VPS41: variants seen among roughly 807,000 people sequenced by gnomAD.
VPS41 encodes vacuolar protein sorting-associated protein 41 homolog.
A neutral mutation model predicts 130.9 loss-of-function variants in VPS41; 85 were observed. The ratio of observed to expected loss-of-function variants is 0.65; its 90% CI spans 0.55 to 0.78. VPS41 has a LOEUF of 0.78. VPS41 is among the 30% of genes least tolerant of loss of function. VPS41 has a pLI of 0.00. For missense variants in VPS41, 874 were observed against 1,018.7 expected, an observed-to-expected ratio of 0.86 and a Z score of 1.93; for synonymous variants, 335 against 332.9, an observed-to-expected ratio of 1.01 and a Z score of -0.07.
chr7:38,763,585 A>G, intron 16 of VPS41, 38 bp from the exon 17 acceptor site: 1 of 1,388,788 alleles, frequency 7.2e-7, no homozygotes, highest in Non-Finnish European at 9.9e-7. Flanking sequence ...CCATTAAAAT[A>G]TGAAAAAACA....
chr7:38,771,371 G>T, intron 13 of VPS41, 117 bp from the exon 14 acceptor site: 1 of 729,216 alleles, frequency 1.4e-6, no homozygotes, highest in Non-Finnish European at 2.3e-6. Flanking sequence ...AGTTATTATG[G>T]TTTAGCATTC....
chr7:38,903,420 G>A (rs1787186088), intron 1 of VPS41, among the ~76,000 whole-genome samples: 1 of 152,310 alleles, frequency 6.6e-6, no homozygotes, highest in South Asian at 2.1e-4. Context: ...TACTGTTGGG[G>A]AAGAAAAACA....
At chr7:38,766,348 C>A (rs1315192743) in intron 15 of VPS41, among the ~76,000 whole-genome samples, 1 of 152,124 alleles carries the variant, frequency 6.6e-6, no homozygotes, top group Non-Finnish European at 1.5e-5. Context: ...ACCCAGGATC[C>A]TGGGGTCTAG....
chr7:38,897,739 A>G (rs1787039268), intron 2 of VPS41, among the ~76,000 whole-genome samples: 1 of 152,230 alleles, frequency 6.6e-6, no homozygotes, highest in South Asian at 2.1e-4. Flanking sequence ...CAAATAAAGA[A>G]TAAACATCAT....
At chr7:38,900,774 C>A (rs1178918669) in intron 1 of VPS41, among the ~76,000 whole-genome samples, 2 of 152,174 alleles carry the variant, frequency 1.3e-5, no homozygotes, top group African/African-American at 4.8e-5. Flanking sequence ...CCTTCAGCAC[C>A]ACTACGAACA....
At chr7:38,769,983 T>C (rs915136052) in intron 14 of VPS41, among the ~76,000 whole-genome samples, 2 of 152,128 alleles carry the variant, frequency 1.3e-5, no homozygotes, top group African/African-American at 2.4e-5. Flanking sequence ...AGTAAACCCC[T>C]CAACTGCTGT....
rs1784211815 is a variant in VPS41, at chr7:38,774,253, G to T, written c.883-9C>A. 1 of 1,555,244 alleles carries T rather than the reference G, an allele frequency of 6.4e-7. No homozygotes were observed. Among genetic ancestry groups the T allele is most frequent in the Non-Finnish European group, 8.7e-7 (1 of 1,148,830 alleles). Reference sequence around the variant, plus strand: ...GCACAGTATTCTCTTTCCTAGTGGGGGAAAAGAGAGAAACATTAATTTAAA... The same window carrying T: ...GCACAGTATTCTCTTTCCTAGTGGGTGAAAAGAGAGAAACATTAATTTAAA... On this transcript the variant is annotated splice_polypyrimidine_tract_variant and intron_variant, in intron 11 of 28. Coordinates refer to ENST00000310301, the MANE Select transcript of VPS41 (RefSeq NM_014396.4).
At chr7:38,850,488 TA>T (rs994721254) in intron 4 of VPS41, among the ~76,000 whole-genome samples, 39 of 152,328 alleles carry the variant, frequency 2.6e-4, no homozygotes, top group Admixed American at 2.3e-3. Context: ...ATTAAGCTTT[TA>T]AATAACTTAA....
At chr7:38,882,575 C>T (rs908773743) in intron 2 of VPS41, among the ~76,000 whole-genome samples, 4 of 152,300 alleles carry the variant, frequency 2.6e-5, no homozygotes, top group African/African-American at 9.6e-5. Context: ...GTCTAATTGA[C>T]ATCTCCAACT....
chr7:38,848,439 G>A (rs182673136), intron 4 of VPS41, among the ~76,000 whole-genome samples: 3 of 151,720 alleles, frequency 2.0e-5, no homozygotes, highest in Non-Finnish European at 4.4e-5. Flanking sequence ...CTTTCAGTTT[G>A]CCTACCCCAT....
chr7:38,735,870 A>T (rs58910087), intron 25 of VPS41, among the ~76,000 whole-genome samples: 3,345 of 152,252 alleles, frequency 0.022, 134 homozygotes, highest in African/African-American at 0.076. Context: ...CTGTCCTGCT[A>T]CCTAGCCCCG....
intron 17 of VPS41, among the ~76,000 whole-genome samples, chr7:38,759,074 G>A (rs1176037528): frequency 1.3e-5 from 2 of 152,198 alleles, no homozygotes; most frequent in South Asian, 2.1e-4. Flanking sequence ...AGCTGCTCTA[G>A]CAAATGAGTC....
At chr7:38,847,712 T>A (rs1785757820) in intron 4 of VPS41, among the ~76,000 whole-genome samples, 1 of 152,190 alleles carries the variant, frequency 6.6e-6, no homozygotes, top group Non-Finnish European at 1.5e-5. Flanking sequence ...TATCCCTGTT[T>A]AAGTTCTCAA....
intron 2 of VPS41, among the ~76,000 whole-genome samples, chr7:38,869,641 T>C (rs1375775459): frequency 6.6e-6 from 1 of 152,190 alleles, no homozygotes; most frequent in Non-Finnish European, 1.5e-5. Flanking sequence ...AAAATTATTA[T>C]AATAATGATT....
chr7:38,881,522 G>A (rs1257670800), intron 2 of VPS41, among the ~76,000 whole-genome samples: 2 of 152,180 alleles, frequency 1.3e-5, no homozygotes, highest in Admixed American at 1.3e-4. Context: ...GCCTGTTACA[G>A]AGAATAATAT....
intron 10 of VPS41, among the ~76,000 whole-genome samples, chr7:38,786,536 T>C (rs575818819): frequency 3.0e-4 from 45 of 152,272 alleles, no homozygotes; most frequent in Non-Finnish European, 5.6e-4. Context: ...GAGGAATGAA[T>C]AGATGAACAG....
At chr7:38,739,885 A>T (rs1348783694) in intron 25 of VPS41, among the ~76,000 whole-genome samples, 1 of 152,256 alleles carries the variant, frequency 6.6e-6, no homozygotes, top group Non-Finnish European at 1.5e-5. Flanking sequence ...AATATTTAGT[A>T]GCTTCTTTAG....
intron 5 of VPS41, among the ~76,000 whole-genome samples, chr7:38,829,434 C>T (rs1242262739): frequency 2.0e-5 from 3 of 152,174 alleles, no homozygotes; most frequent in African/African-American, 4.8e-5. Flanking sequence ...CTGCTTTACT[C>T]AGTAAGGAAT....
chr7:38,770,329 C>G (rs1246054192), intron 14 of VPS41, among the ~76,000 whole-genome samples: 1 of 151,758 alleles, frequency 6.6e-6, no homozygotes, highest in Non-Finnish European at 1.5e-5. Flanking sequence ...GCTGTGGCAC[C>G]TCTCTGCCTC....
Sources: gnomAD v4.1 joint callset for allele counts (sites outside exome capture counted in the v4.1 genomes callset) on GRCh38, gnomAD v4.1.1 for gene constraint, MANE v1.5 for transcripts, NCBI Gene and HGNC (gene_info 2026-07-23, HGNC 2026-07-21) for gene names.